Variants in TNFSF12 observed in about 807,000 individuals in gnomAD.
TNFSF12 encodes the protein TNF superfamily member 12.
A neutral mutation model predicts 31.2 loss-of-function variants in TNFSF12; 16 were observed. The ratio of observed to expected loss-of-function variants is 0.51; its 90% CI spans 0.35 to 0.78. The LOEUF (loss-of-function observed/expected upper bound fraction) is 0.78. TNFSF12 is among the 30% of genes least tolerant of loss of function. The probability of loss-of-function intolerance (pLI) is 0.01; values close to 1 mark genes in which losing one functional copy is unlikely to be tolerated. For synonymous variants in TNFSF12, 150 were observed against 151.4 expected (o/e 0.99, Z 0.07); for missense variants, 324 against 338.8 (o/e 0.96, Z 0.34).
chr17:7,556,793 T>C lies in TNFSF12; in HGVS notation c.389T>C (p.Val130Ala). The C allele has an allele frequency of 6.5e-7, 1 of 1,536,726 alleles. No homozygotes were observed. The highest frequency in any genetic ancestry group is 2.1e-5 in the Admixed American group (1 of 47,814). ...CCGTGTTCAGGTGTGGACGGGACAGTGAGTGGCTGGGAGGAAGCCAGAATC... is the reference window on the plus strand; with the variant it reads ...CCGTGTTCAGGTGTGGACGGGACAGCGAGTGGCTGGGAGGAAGCCAGAATC... ...DGAQAGVDGT[V>A]SGWEEARINS... Residue 130 changes from valine to alanine, a missense_variant, in exon 6 of 7, where the codon GTG (valine) becomes GCG (alanine). Transcript: ENST00000293825.
rs2071072271 is a variant in TNFSF12 at position 7,556,714 on chromosome 17, C to T, written c.374-64C>T. On this transcript the variant is annotated intron_variant, in intron 5 of 6. Transcript: ENST00000293825. The stretch of plus-strand genomic sequence containing the variant: ...CCGAATGTTCATATGCTCAATGGAT[C>T]CCTGGGGAGTGTGGGGGAGTCCTGT... The T allele has an allele frequency of 4.3e-6, 6 of 1,405,220 alleles. No homozygotes were observed. The Admixed American group carries it at 1.4e-4, about 32-fold the overall frequency. The allele number at this position is 1,405,220 out of a possible 1,614,324, so 87.0% of individuals were successfully genotyped here.
intron 5 of TNFSF12, among the ~76,000 whole-genome samples, chr17:7,555,071 C>T (rs1156515623): frequency 6.6e-6 from 1 of 151,688 alleles, no homozygotes; most frequent in Non-Finnish European, 1.5e-5. Flanking sequence ...CACTTGAACC[C>T]GGGAGGCGGA....
Position 7,557,069 on chromosome 17 carries a change from C to T in TNFSF12, c.499-30C>T, listed in dbSNP as rs1220386710. ...AAATTGAGGCGAGGGCAGGCAGAGG[C>T]CTGGACTCGGCCTGTTGTCCCCACC... is the stretch of plus-strand genomic sequence containing the variant. On this transcript the variant is annotated intron_variant, in intron 6 of 6. Coordinates refer to ENST00000293825, the MANE Select transcript of TNFSF12 (RefSeq NM_003809.3). The surrounding 1 kb of genome is among the most constrained non-coding windows in gnomAD (Gnocchi z 5.2). 1.3e-6 allele frequency: 2 copies of T among 1,593,092 alleles called. No homozygotes were observed. The highest frequency in any genetic ancestry group is 1.7e-6 in the Non-Finnish European group (2 of 1,166,468).
intron 5 of TNFSF12, among the ~76,000 whole-genome samples, chr17:7,556,169 C>A (rs1214623110): frequency 6.6e-6 from 1 of 151,602 alleles, no homozygotes; most frequent in African/African-American, 2.4e-5. Context: ...TTAGTAGAGA[C>A]GGGGTTTCAC....
rs2070985178 is a variant in TNFSF12 at position 7,550,208 on chromosome 17, C to G, written c.283+13C>G. ...CCTCGCAGAAGTGGTGAGCATCCCT[C>G]TATCCCAACCTCAGGAAGCGGGCAG... On this transcript the variant is annotated intron_variant, in intron 3 of 6. Coordinates refer to ENST00000293825, the MANE Select transcript of TNFSF12 (RefSeq NM_003809.3). The surrounding 1 kb of genome is among the most constrained non-coding windows in gnomAD (Gnocchi z 4.4). 2.5e-6 allele frequency: 4 copies of G among 1,614,162 alleles called. No homozygotes were observed. In the East Asian group the frequency reaches 6.7e-5, roughly 27 times the overall value.
rs2070979888 is a variant in TNFSF12 at position 7,549,833 on chromosome 17, G to A, written c.208-287G>A. On this transcript the variant is annotated intron_variant, in intron 2 of 6. Coordinates refer to ENST00000293825, the MANE Select transcript of TNFSF12 (RefSeq NM_003809.3). The surrounding 1 kb of genome is among the most constrained non-coding windows in gnomAD (Gnocchi z 4.1). ...TGTACAGGGTGTGTATCCTCTGTGC[G>A]TGGTGACTGGGTGCGGGCATGTGTG... 5 of 605,926 alleles carry A rather than the reference G, an allele frequency of 8.3e-6. No homozygotes were observed. Among genetic ancestry groups the A allele is most frequent in the Admixed American group, 3.0e-5 (1 of 33,830 alleles). The allele number at this position is 605,926 out of a possible 1,614,324, so 37.5% of individuals were successfully genotyped here. A position where few individuals can be genotyped will look rare whatever the true frequency, so the allele number is the denominator to read the frequency against.
Position 7,557,358 on chromosome 17 carries a change from T to C in TNFSF12, c.*8T>C. ...CTCTTCCAGGTTCACTGAGGGGCCC[T>C]GGTCTCCCCGCAGTCGTCCCAGGCT... is the stretch of plus-strand genomic sequence containing the variant. On this transcript the variant is annotated 3_prime_UTR_variant, in exon 7 of 7. Coordinates refer to ENST00000293825, the MANE Select transcript of TNFSF12 (RefSeq NM_003809.3). The surrounding 1 kb of genome is among the most constrained non-coding windows in gnomAD (Gnocchi z 5.2). 1 of 1,581,488 alleles carries C rather than the reference T, an allele frequency of 6.3e-7. No homozygotes were observed. Among genetic ancestry groups the C allele is most frequent in the Non-Finnish European group, 8.6e-7 (1 of 1,159,688 alleles).
At chr17:7,553,241 G>A (rs1321364037) in intron 5 of TNFSF12, among the ~76,000 whole-genome samples, 1 of 151,802 alleles carries the variant, frequency 6.6e-6, no homozygotes, top group East Asian at 1.9e-4. Flanking sequence ...TAGAGACAGG[G>A]TTTCTCCATG....
In TNFSF12 at chr17:7,550,803, T is replaced by TAA; in HGVS notation, c.290_291dup (p.Gly98LysfsTer34). The TAA allele has an allele frequency of 6.2e-7, 1 of 1,610,380 alleles. No homozygotes were observed. The highest frequency in any genetic ancestry group is 8.5e-7 in the Non-Finnish European group (1 of 1,177,030). Reference sequence around the variant, plus strand: ...CTGTCTTTCCTTGATCCTCAGCACCTAAAGGCCGGAAAACACGGGCTCGAA... The same window carrying TAA: ...CTGTCTTTCCTTGATCCTCAGCACCTAAAAAGGCCGGAAAACACGGGCTCGAA... On this transcript the variant is annotated frameshift_variant, in exon 4 of 7. Coordinates refer to ENST00000293825, the MANE Select transcript of TNFSF12 (RefSeq NM_003809.3). LOFTEE classifies it high-confidence loss of function. The surrounding 1 kb of genome is among the most constrained non-coding windows in gnomAD (Gnocchi z 4.4).
chr17:7,550,768 C>T lies in TNFSF12; in HGVS notation c.284-31C>T. 6.3e-7 allele frequency: 1 copy of T among 1,598,706 alleles called. No homozygotes were observed. The highest frequency in any genetic ancestry group is 8.6e-7 in the Non-Finnish European group (1 of 1,167,498). On this transcript the variant is annotated intron_variant, in intron 3 of 6. Transcript: ENST00000293825. This position sits in a 1 kb window ranked among gnomAD's most constrained non-coding sequence, Gnocchi z 4.4. ...GCTCTGGGACCCCCACTAGGGCCCG[C>T]TTTGCTCATCTGTCTTTCCTTGATC...
At position 7,549,283 on chromosome 17, in the gene TNFSF12, T is replaced by G. The variant is rs749973779; in HGVS notation, c.130T>G (p.Leu44Val). The G allele has an allele frequency of 1.4e-6, 2 of 1,397,680 alleles. No homozygotes were observed. The highest frequency in any genetic ancestry group is 3.0e-5 in the African/African-American group (2 of 66,976). 86.6% of individuals were successfully genotyped at this position (1,397,680 alleles called of 1,614,324 possible). A position where few individuals can be genotyped will look rare whatever the true frequency, so the allele number is the denominator to read the frequency against. ...CGGCCTCCTGCTGGCCGTGGTCAGTTTGGGGAGCCGGGCATCGCTGTCCGC... is the reference window on the plus strand; with the variant it reads ...CGGCCTCCTGCTGGCCGTGGTCAGTGTGGGGAGCCGGGCATCGCTGTCCGC... ...CLGLLLAVVS[L>V]GSRASLSAQE... The change falls in exon 1 of 7, where the codon TTG (leucine) becomes GTG (valine). Residue 44 changes from leucine (L) to valine (V), a missense_variant. Leu to Val is a conservative substitution (Grantham distance 32, BLOSUM62 1). Coordinates refer to ENST00000293825, the MANE Select transcript of TNFSF12 (RefSeq NM_003809.3). This position sits in a 1 kb window ranked among gnomAD's most constrained non-coding sequence, Gnocchi z 4.1.
intron 5 of TNFSF12, 46 bp from the exon 6 acceptor site, chr17:7,556,732 A>C (rs2071072720): frequency 7.0e-7 from 1 of 1,431,734 alleles, no homozygotes; most frequent in Non-Finnish European, 9.2e-7. Context: ...AGTGTGGGGG[A>C]GTCCTGTAGA....
intron 6 of TNFSF12, 29 bp downstream of exon 6, chr17:7,556,931 G>A (rs1212973820): frequency 3.3e-6 from 5 of 1,524,238 alleles, no homozygotes; most frequent in African/African-American, 1.4e-5. Flanking sequence ...CATGGGTAAC[G>A]CAGTAAGAGA....
chr17:7,554,307 C>CTTTTTT (rs67090485), intron 5 of TNFSF12, among the ~76,000 whole-genome samples: 33 of 73,032 alleles, frequency 4.5e-4, no homozygotes, highest in African/African-American at 5.0e-4. Context: ...TATCCAGACT[C>CTTTTTT]TTTTTTTTTT....
At chr17:7,553,958 G>C in intron 5 of TNFSF12, 1 of 908,682 alleles carries the variant, frequency 1.1e-6, no homozygotes, top group Non-Finnish European at 1.3e-6. Context: ...TGCTGATTAT[G>C]AAAGCAAGCT....
chr17:7,557,573 C>A lies in TNFSF12; in HGVS notation c.*223C>A. 1 of 628,168 alleles carries A rather than the reference C, an allele frequency of 1.6e-6. No homozygotes were observed. The highest frequency in any genetic ancestry group is 2.6e-6 in the Non-Finnish European group (1 of 382,864). 38.9% of individuals were successfully genotyped at this position (628,168 alleles called of 1,614,324 possible). A position where few individuals can be genotyped will look rare whatever the true frequency, so the allele number is the denominator to read the frequency against. Reference sequence around the variant, plus strand: ...CACCGCCCACTCTCCACCTCACTAGCTCCCCAATCCCTGACCCTTTGAGGC... The same window carrying A: ...CACCGCCCACTCTCCACCTCACTAGATCCCCAATCCCTGACCCTTTGAGGC... On this transcript the variant is annotated 3_prime_UTR_variant, in exon 7 of 7. Transcript: ENST00000293825. The surrounding 1 kb of genome is among the most constrained non-coding windows in gnomAD (Gnocchi z 5.2).
intron 5 of TNFSF12, chr17:7,553,816 A>G (rs1389985133): frequency 8.7e-7 from 1 of 1,143,222 alleles, no homozygotes. Flanking sequence ...AAAGGAGAAC[A>G]AGAGACCAGG....
At position 7,557,071 on chromosome 17, in the gene TNFSF12, T is replaced by A; in HGVS notation, c.499-28T>A. 2 of 1,594,626 alleles carry A rather than the reference T, an allele frequency of 1.3e-6. No individual in the cohort carries two copies. Among genetic ancestry groups the A allele is most frequent in the Non-Finnish European group, 1.7e-6 (2 of 1,167,174 alleles). On this transcript the variant is annotated intron_variant, in intron 6 of 6. Coordinates refer to ENST00000293825, the MANE Select transcript of TNFSF12 (RefSeq NM_003809.3). The surrounding 1 kb of genome is among the most constrained non-coding windows in gnomAD (Gnocchi z 5.2). ...ATTGAGGCGAGGGCAGGCAGAGGCC[T>A]GGACTCGGCCTGTTGTCCCCACCCC...
In TNFSF12 at chr17:7,557,593, T is replaced by C; in HGVS notation, c.*243T>C. On this transcript the variant is annotated 3_prime_UTR_variant, in exon 7 of 7. Transcript: ENST00000293825. The surrounding 1 kb of genome is among the most constrained non-coding windows in gnomAD (Gnocchi z 5.2). ...ACTAGCTCCCCAATCCCTGACCCTT[T>C]GAGGCCCCCAGTGATCTCGACTCCC... is the stretch of plus-strand genomic sequence containing the variant. 1.8e-6 allele frequency: 1 copy of C among 541,860 alleles called. No individual in the cohort carries two copies. The highest frequency in any genetic ancestry group is 3.2e-6 in the Non-Finnish European group (1 of 316,624). The allele number at this position is 541,860 out of a possible 1,614,324, so 33.6% of individuals were successfully genotyped here. A position where few individuals can be genotyped will look rare whatever the true frequency, so the allele number is the denominator to read the frequency against.
Sources: allele counts gnomAD v4.1 joint callset (sites outside exome capture counted in the v4.1 genomes callset), GRCh38; gene constraint gnomAD v4.1.1; non-coding constraint Gnocchi (gnomAD v3.1); transcripts MANE v1.5; gene names NCBI Gene and HGNC (gene_info 2026-07-23, HGNC 2026-07-21).